Variants in OR51B5 observed in about 807,000 individuals in gnomAD.
The protein encoded by OR51B5 is olfactory receptor family 51 subfamily B member 5, also known as olfactory receptor 51B5.
For missense variants in OR51B5, 456 were observed against 374.6 expected (o/e 1.22, Z -1.79); for synonymous variants, 186 against 144.8 (o/e 1.28, Z -2.04).
At chr11:5,439,351 C>T (rs1850640469) in intron 1 of OR51B5, among the ~76,000 whole-genome samples, 2 of 152,184 alleles carry the variant, frequency 1.3e-5, no homozygotes, top group Admixed American at 1.3e-4. Context: ...ATCTACTCTA[C>T]TTCCCTTCAC....
At chr11:5,352,818 T>C (rs115004084) in intron 1 of OR51B5, among the ~76,000 whole-genome samples, 1 of 143,626 alleles carries the variant, frequency 7.0e-6, no homozygotes, top group Non-Finnish European at 1.5e-5. Context: ...ATTTAATATA[T>C]ATAATACACA....
At chr11:5,382,504 G>T (rs1849624268) in intron 1 of OR51B5, among the ~76,000 whole-genome samples, 1 of 152,132 alleles carries the variant, frequency 6.6e-6, no homozygotes, top group Non-Finnish European at 1.5e-5. Context: ...ATTTGCTGTT[G>T]CTGGTAATAA....
At chr11:5,356,867 A>C (rs1158697240) in intron 1 of OR51B5, among the ~76,000 whole-genome samples, 1 of 141,546 alleles carries the variant, frequency 7.1e-6, no homozygotes, top group Non-Finnish European at 1.6e-5. Context: ...TTTCATATCC[A>C]GCCAAACTAA....
At chr11:5,491,428 G>C (rs1411411964) in intron 1 of OR51B5, among the ~76,000 whole-genome samples, 1 of 152,188 alleles carries the variant, frequency 6.6e-6, no homozygotes, top group African/African-American at 2.4e-5. Flanking sequence ...ACAGGTCAGG[G>C]ACAGTCATGT....
intron 1 of OR51B5, among the ~76,000 whole-genome samples, chr11:5,396,729 A>T (rs1297230840): frequency 2.6e-5 from 4 of 151,926 alleles, no homozygotes; most frequent in Non-Finnish European, 5.9e-5. Flanking sequence ...GAACCAAAAA[A>T]GAGCCCGCAT....
At chr11:5,354,077 A>G (rs1276989699) in intron 1 of OR51B5, among the ~76,000 whole-genome samples, 1 of 152,206 alleles carries the variant, frequency 6.6e-6, no homozygotes, top group African/African-American at 2.4e-5. Context: ...CACATAGACC[A>G]TTTTTAACAA....
intron 1 of OR51B5, among the ~76,000 whole-genome samples, chr11:5,502,666 C>T (rs2133821226): frequency 6.6e-6 from 1 of 152,350 alleles, no homozygotes; most frequent in South Asian, 2.1e-4. Flanking sequence ...CATTCCTTCA[C>T]ATGCTACCTA....
At chr11:5,448,736 C>T (rs1442334466) in intron 1 of OR51B5, among the ~76,000 whole-genome samples, 1 of 152,196 alleles carries the variant, frequency 6.6e-6, no homozygotes, top group African/African-American at 2.4e-5. Context: ...TCCATTCCCC[C>T]ATCTGTCTGT....
At chr11:5,488,747 CCTT>C (rs1178095050) in intron 1 of OR51B5, 3 of 1,613,898 alleles carry the variant, frequency 1.9e-6, no homozygotes, top group Non-Finnish European at 2.5e-6. Context: ...CTTCCAGACA[CCTT>C]CTTCTTAACA....
At chr11:5,397,093 T>G (rs572601992) in intron 1 of OR51B5, among the ~76,000 whole-genome samples, 8 of 152,246 alleles carry the variant, frequency 5.3e-5, no homozygotes, top group African/African-American at 1.9e-4. Flanking sequence ...CCTAAAACCA[T>G]AAAAACTCTA....
At chr11:5,471,139 C>A (rs1851221841) in intron 1 of OR51B5, among the ~76,000 whole-genome samples, 1 of 152,134 alleles carries the variant, frequency 6.6e-6, no homozygotes, top group South Asian at 2.1e-4. Flanking sequence ...TGTGACTTTT[C>A]TTATCACAGC....
intron 1 of OR51B5, among the ~76,000 whole-genome samples, chr11:5,462,232 G>A (rs1851067159): frequency 6.6e-6 from 1 of 152,210 alleles, no homozygotes; most frequent in Non-Finnish European, 1.5e-5. Flanking sequence ...ATTATAGTAG[G>A]ATGAAATTCT....
chr11:5,377,142 A>G (rs1589962408), intron 1 of OR51B5, among the ~76,000 whole-genome samples: 1 of 152,274 alleles, frequency 6.6e-6, no homozygotes, highest in East Asian at 1.9e-4. Flanking sequence ...CCTGGGATGC[A>G]AGGCTGGTTC....
At chr11:5,377,385 C>T (rs1849543966) in intron 1 of OR51B5, among the ~76,000 whole-genome samples, 2 of 152,280 alleles carry the variant, frequency 1.3e-5, no homozygotes, top group South Asian at 2.1e-4. Context: ...GAAGCATTCC[C>T]TTTGTAAACT....
At chr11:5,402,935 T>C (rs1849994475) in intron 1 of OR51B5, 1 of 471,248 alleles carries the variant, frequency 2.1e-6, no homozygotes, top group Non-Finnish European at 4.4e-6. Flanking sequence ...TTATCCATGA[T>C]GGAGCCAGCT....
chr11:5,392,363 G>A (rs532335581), intron 1 of OR51B5: 7 of 152,258 alleles, frequency 4.6e-5, no homozygotes, highest in East Asian at 1.9e-4. Flanking sequence ...TCTCCATGTT[G>A]AGAGGAAATT....
At chr11:5,503,400 A>G (rs576774408) in intron 1 of OR51B5, among the ~76,000 whole-genome samples, 44 of 150,940 alleles carry the variant, frequency 2.9e-4, no homozygotes, top group Non-Finnish European at 5.5e-4. Flanking sequence ...CGTAAAGCTT[A>G]TTTGAAGAAA....
At chr11:5,455,561 G>GT (rs1422377172) in intron 1 of OR51B5, 3 of 33,724 alleles carry the variant, frequency 8.9e-5, no homozygotes, top group Non-Finnish European at 2.4e-4. Context: ...GAGAAAGAAG[G>GT]GGGGAGAGAG....
chr11:5,409,408 CA>C (rs1470670968), intron 1 of OR51B5, among the ~76,000 whole-genome samples: 2 of 151,622 alleles, frequency 1.3e-5, no homozygotes, highest in Non-Finnish European at 2.9e-5. Context: ...TAGTATTTTT[CA>C]AAAAGTAAAG....
Sources: allele counts gnomAD v4.1 joint callset (sites outside exome capture counted in the v4.1 genomes callset), GRCh38; gene constraint gnomAD v4.1.1; transcripts MANE v1.5; gene names NCBI Gene and HGNC (gene_info 2026-07-23, HGNC 2026-07-21).